OPA3: variants seen among roughly 807,000 people sequenced by gnomAD.
OPA3 encodes outer mitochondrial membrane lipid metabolism regulator OPA3.
OPA3 carries 6 observed loss-of-function variants against 4.0 expected under a neutral mutation model. The ratio of observed to expected loss-of-function variants is 1.51; its 90% CI spans 0.83 to 2.99. The LOEUF (loss-of-function observed/expected upper bound fraction) is 2.99. Among genes scored for constraint, OPA3 ranks in the 30% most tolerant of loss-of-function variants. The pLI is 0.00. For missense variants in OPA3, 235 were observed against 256.2 expected (o/e 0.92, Z 0.56); for synonymous variants, 105 against 117.1 (o/e 0.90, Z 0.67).
chr19:45,567,339 CAA>C (rs749982867), intron 1 of OPA3, among the ~76,000 whole-genome samples: 951 of 60,576 alleles, frequency 0.016, 7 homozygotes, highest in African/African-American at 0.041. Flanking sequence ...GACCCTGTGT[CAA>C]AAAAAAAAAA....
At position 45,553,929 on chromosome 19, in the gene OPA3, G is replaced by A. The variant is rs1432355603; in HGVS notation, c.143-18C>T. On this transcript the variant is annotated intron_variant, in intron 1 of 1. Transcript: ENST00000263275. ...GTGATACACTGCGGGGGAAGAGAGGGGTCAGGCTGCGCTCTGGGAGCCCCC... is the reference window on the plus strand; with the variant it reads ...GTGATACACTGCGGGGGAAGAGAGGAGTCAGGCTGCGCTCTGGGAGCCCCC... 2 of 1,592,250 alleles carry A rather than the reference G, an allele frequency of 1.3e-6. No homozygotes were observed. The highest frequency in any genetic ancestry group is 1.7e-6 in the Non-Finnish European group (2 of 1,164,074).
chr19:45,577,214 T>G (rs927987242), intron 1 of OPA3, among the ~76,000 whole-genome samples: 1 of 152,248 alleles, frequency 6.6e-6, no homozygotes, highest in African/African-American at 2.4e-5. Context: ...TAGCATGTAC[T>G]GTTCTTTCCT....
intron 1 of OPA3, among the ~76,000 whole-genome samples, chr19:45,536,651 A>T (rs1969122036): frequency 6.6e-6 from 1 of 152,188 alleles, no homozygotes; most frequent in Admixed American, 6.6e-5. Context: ...GCTATCATAA[A>T]GCTATAATCA....
intron 1 of OPA3, 162 bp downstream of exon 1, chr19:45,584,461 G>A: frequency 1.0e-6 from 1 of 984,334 alleles, no homozygotes; most frequent in Non-Finnish European, 1.2e-6. Flanking sequence ...CTCACTACTG[G>A]GCCACCCGTA....
chr19:45,573,017 C>T (rs976057676), intron 1 of OPA3, among the ~76,000 whole-genome samples: 1 of 151,724 alleles, frequency 6.6e-6, no homozygotes, highest in Non-Finnish European at 1.5e-5. Flanking sequence ...ACTTCCAGGA[C>T]CTTTCAAAGA....
Position 45,550,307 on chromosome 19 carries a change from C to G in OPA3, c.*3207G>C. On this transcript the variant is annotated 3_prime_UTR_variant, in exon 2 of 2. Coordinates refer to ENST00000263275, the MANE Select transcript of OPA3 (RefSeq NM_025136.4). ...GATGGAAGTCGGGGAAAGCCCGGCCCTCCCACTTTCACCTGCAGCTTCCCA... is the reference window on the plus strand; with the variant it reads ...GATGGAAGTCGGGGAAAGCCCGGCCGTCCCACTTTCACCTGCAGCTTCCCA... 1.0e-6 allele frequency: 1 copy of G among 985,538 alleles called. No individual in the cohort carries two copies. Among genetic ancestry groups the G allele is most frequent in the African/African-American group, 1.7e-5 (1 of 57,352 alleles). The allele number at this position is 985,538 out of a possible 1,614,324, so 61.0% of individuals were successfully genotyped here. A position where few individuals can be genotyped will look rare whatever the true frequency, so the allele number is the denominator to read the frequency against.
Position 45,549,876 on chromosome 19 carries a change from G to C in OPA3, c.*3638C>G. On this transcript the variant is annotated 3_prime_UTR_variant, in exon 2 of 2. Coordinates refer to ENST00000263275, the MANE Select transcript of OPA3 (RefSeq NM_025136.4). Reference sequence around the variant, plus strand: ...CAGAAGGAACTGAAATGCTGTTTCAGGCCAGGCGCGGTGGCTCACGCCTGT... The same window carrying C: ...CAGAAGGAACTGAAATGCTGTTTCACGCCAGGCGCGGTGGCTCACGCCTGT... 3 of 985,596 alleles carry C rather than the reference G, an allele frequency of 3.0e-6. No individual in the cohort carries two copies. The highest frequency in any genetic ancestry group is 3.6e-6 in the Non-Finnish European group (3 of 830,158). The allele number at this position is 985,596 out of a possible 1,614,324, so 61.1% of individuals were successfully genotyped here. A position where few individuals can be genotyped will look rare whatever the true frequency, so the allele number is the denominator to read the frequency against.
chr19:45,572,428 CATGATAT>C (rs535430116), intron 1 of OPA3, among the ~76,000 whole-genome samples: 3,786 of 119,998 alleles, frequency 0.032, 219 homozygotes, highest in African/African-American at 0.085. Context: ...CGATATATAT[CATGATAT>C]ATGTATATCA....
At chr19:45,554,023 A>G in intron 1 of OPA3, 112 bp from the exon 2 acceptor site, 1 of 807,584 alleles carries the variant, frequency 1.2e-6, no homozygotes, top group Non-Finnish European at 1.9e-6. Context: ...GTCTTTTAAA[A>G]GACCAGATGA....
intron 1 of OPA3, among the ~76,000 whole-genome samples, chr19:45,558,640 G>A (rs1439510623): frequency 6.6e-6 from 1 of 151,688 alleles, no homozygotes; most frequent in East Asian, 1.9e-4. Context: ...TGAGCACTCT[G>A]CCCCCATGCG....
intron 1 of OPA3, among the ~76,000 whole-genome samples, chr19:45,568,105 T>C (rs1034744749): frequency 6.6e-6 from 1 of 152,128 alleles, no homozygotes; most frequent in Non-Finnish European, 1.5e-5. Context: ...GTCAAGTGAT[T>C]CTCCAGTTTT....
At chr19:45,581,112 T>C (rs1969848729) in intron 1 of OPA3, among the ~76,000 whole-genome samples, 1 of 152,072 alleles carries the variant, frequency 6.6e-6, no homozygotes, top group Admixed American at 6.6e-5. Context: ...AGGAAGTCAT[T>C]CCTCTTTCCG....
intron 1 of OPA3, among the ~76,000 whole-genome samples, chr19:45,540,569 A>G (rs1354092378): frequency 6.8e-6 from 1 of 147,390 alleles, no homozygotes; most frequent in Admixed American, 6.8e-5. Context: ...TCAGAAAGAA[A>G]AAAAAAAAAA....
At chr19:45,543,768 C>T (rs368654326), downstream of OPA3, among the ~76,000 whole-genome samples, 4 of 152,134 alleles carry the variant, frequency 2.6e-5, no homozygotes, top group African/African-American at 9.7e-5. Flanking sequence ...AACTGGCCAA[C>T]GTTACTATTT....
At chr19:45,545,509 T>G (rs532818539), downstream of OPA3, among the ~76,000 whole-genome samples, 57 of 151,442 alleles carry the variant, frequency 3.8e-4, no homozygotes, top group Admixed American at 1.4e-3. Flanking sequence ...CCAGCCTGGG[T>G]GACAGAGCAA....
intron 1 of OPA3, among the ~76,000 whole-genome samples, chr19:45,560,462 C>T (rs1228338527): frequency 6.6e-6 from 1 of 152,116 alleles, no homozygotes; most frequent in Non-Finnish European, 1.5e-5. Flanking sequence ...AGGAGGTGAC[C>T]ATGGACAATG....
At chr19:45,533,308 C>T (rs1969080120) in intron 1 of OPA3, among the ~76,000 whole-genome samples, 1 of 152,074 alleles carries the variant, frequency 6.6e-6, no homozygotes, top group South Asian at 2.1e-4. Context: ...CATTCTCCTG[C>T]CTCAGCCTCC....
At chr19:45,576,768 T>C (rs1463125043) in intron 1 of OPA3, among the ~76,000 whole-genome samples, 1 of 152,092 alleles carries the variant, frequency 6.6e-6, no homozygotes, top group African/African-American at 2.4e-5. Flanking sequence ...CTTTCCCTTA[T>C]AAGGACCCCT....
chr19:45,572,803 T>C (rs1459061692), intron 1 of OPA3, among the ~76,000 whole-genome samples: 1 of 89,064 alleles, frequency 1.1e-5, no homozygotes, highest in East Asian at 4.0e-4. Flanking sequence ...ATATATATCA[T>C]ACTATATATA....
Sources: allele counts gnomAD v4.1 joint callset (sites outside exome capture counted in the v4.1 genomes callset), GRCh38; gene constraint gnomAD v4.1.1; transcripts MANE v1.5; gene names NCBI Gene and HGNC (gene_info 2026-07-23, HGNC 2026-07-21).